Variants in PRR5L observed in about 807,000 individuals in gnomAD.
The protein encoded by PRR5L is proline rich 5 like, also known as proline-rich protein 5-like.
PRR5L carries 21 observed loss-of-function variants against 36.4 expected under a neutral mutation model. The ratio of observed to expected loss-of-function variants is 0.58; its 90% CI spans 0.41 to 0.83. The LOEUF (loss-of-function observed/expected upper bound fraction) is 0.83, where lower values mean the gene tolerates loss of function less well. Among genes scored for constraint, PRR5L ranks in the 40% least tolerant of loss-of-function variants. PRR5L has a pLI of 0.00. For synonymous variants in PRR5L, 188 were observed against 197.0 expected, an observed-to-expected ratio of 0.95 and a Z score of 0.38; for missense variants, 381 against 473.3, an observed-to-expected ratio of 0.80 and a Z score of 1.81.
intron 1 of PRR5L, among the ~76,000 whole-genome samples, chr11:36,389,675 C>T (rs1357903022): frequency 7.4e-5 from 11 of 148,558 alleles, no homozygotes; most frequent in Non-Finnish European, 1.3e-4. Context: ...TGCAATGGCA[C>T]GACCTCGGCT....
chr11:36,358,245 T>C (rs2133499289), intron 1 of PRR5L, among the ~76,000 whole-genome samples: 1 of 152,334 alleles, frequency 6.6e-6, no homozygotes, highest in African/African-American at 2.4e-5. Flanking sequence ...TAAAATGCTA[T>C]CAGCTATCTC....
chr11:36,349,783 G>C (rs1392601004), intron 1 of PRR5L: 1 of 152,136 alleles, frequency 6.6e-6, no homozygotes, highest in Non-Finnish European at 1.5e-5. Flanking sequence ...CTACCAATTA[G>C]CTGAGTGCTG....
At position 36,328,446 on chromosome 11, in the gene PRR5L, C is replaced by A. The variant is rs144993579; in HGVS notation, c.-126+32008C>A. On this transcript the variant is annotated intron_variant, in intron 1 of 8. Transcript: ENST00000530639. ...GATTTGGTTGTTTAAAAGTGAGTGG[C>A]AACTCAGCCCTCTCTCTCTTTTTCT... Among the ~76,000 whole-genome samples, 25 of 152,198 alleles carry A rather than the reference C, an allele frequency of 1.6e-4. No individual in the cohort carries two copies. The East Asian group carries it at 4.6e-3, about 28-fold the overall frequency.
intron 3 of PRR5L, among the ~76,000 whole-genome samples, chr11:36,415,555 C>A (rs1858123078): frequency 6.6e-6 from 1 of 152,114 alleles, no homozygotes; most frequent in Admixed American, 6.5e-5. Context: ...GTCAGTCTGC[C>A]CAAAAGGGTG....
At chr11:36,339,285 G>C (rs781231448) in intron 1 of PRR5L, among the ~76,000 whole-genome samples, 30 of 152,158 alleles carry the variant, frequency 2.0e-4, no homozygotes, top group Non-Finnish European at 4.0e-4. Flanking sequence ...GTAGAGACAT[G>C]GTTTTGCCAT....
chr11:36,375,865 T>G, intron 1 of PRR5L: 1 of 204,256 alleles, frequency 4.9e-6, no homozygotes, highest in Non-Finnish European at 1.0e-5. Flanking sequence ...AGATTTCACT[T>G]GCATTATATT....
In PRR5L at chr11:36,451,377, CATG is replaced by C. The variant is rs778042101; in HGVS notation, c.712+45_712+47del. ...TCAAGTTGTCAAGAGGCCCAGTGATCATGATACCAGCACTGTTTAACTGAGCAC... is the reference window on the plus strand; with the variant it reads ...TCAAGTTGTCAAGAGGCCCAGTGATCATACCAGCACTGTTTAACTGAGCAC... On this transcript the variant is annotated intron_variant, in intron 8 of 8. Transcript: ENST00000530639. 4 of 1,610,182 alleles carry C rather than the reference CATG, an allele frequency of 2.5e-6. No individual in the cohort carries two copies. The African/African-American group carries it at 5.3e-5, about 22-fold the overall frequency.
At chr11:36,374,236 A>G (rs953146609) in intron 1 of PRR5L, among the ~76,000 whole-genome samples, 2 of 152,032 alleles carry the variant, frequency 1.3e-5, no homozygotes, top group African/African-American at 4.8e-5. Context: ...TTGGGATTAC[A>G]GGCACCCGCC....
rs373039037 is a variant in PRR5L, at chr11:36,408,443, CA to C, written c.245+5067del. On this transcript the variant is annotated intron_variant, in intron 3 of 8. Coordinates refer to ENST00000530639, the MANE Select transcript of PRR5L (RefSeq NM_001160167.2). ...ACAGCTTGCACATTGTAATATCTCT[CA>C]AGGCAAGAAAATGACCTTTCAGAAT... Among the ~76,000 whole-genome samples the C allele has an allele frequency of 3.3e-4, 51 of 152,278 alleles. 1 individual carries two copies. The East Asian group carries it at 9.6e-3, about 29-fold the overall frequency.
chr11:36,308,488 C>A (rs1158643669), intron 1 of PRR5L, among the ~76,000 whole-genome samples: 1 of 152,144 alleles, frequency 6.6e-6, no homozygotes, highest in Non-Finnish European at 1.5e-5. Context: ...TTACACATTC[C>A]CCCTGGGTGT....
chr11:36,300,958 C>T (rs144500772), intron 1 of PRR5L: 1 of 152,422 alleles, frequency 6.6e-6, no homozygotes, highest in African/African-American at 2.4e-5. Flanking sequence ...AATTATTTAA[C>T]AAACATTTAT....
At chr11:36,393,228 G>A (rs1857596314) in intron 1 of PRR5L, among the ~76,000 whole-genome samples, 2 of 152,112 alleles carry the variant, frequency 1.3e-5, no homozygotes, top group Admixed American at 6.5e-5. Context: ...TCCTGTGCTT[G>A]TGGGGTATTA....
At chr11:36,351,698 T>C (rs1452894639) in intron 1 of PRR5L, among the ~76,000 whole-genome samples, 9 of 99,022 alleles carry the variant, frequency 9.1e-5, no homozygotes, top group Non-Finnish European at 1.5e-4. Context: ...TATTTATATA[T>C]TTATATATTT....
At chr11:36,310,738 C>A (rs1856491906) in intron 1 of PRR5L, among the ~76,000 whole-genome samples, 1 of 152,104 alleles carries the variant, frequency 6.6e-6, no homozygotes, top group African/African-American at 2.4e-5. Flanking sequence ...GTGGCTCACG[C>A]CTGTAATCGC....
chr11:36,375,153 TGAACCCGGG>T (rs2133516760), intron 1 of PRR5L, among the ~76,000 whole-genome samples: 1 of 151,918 alleles, frequency 6.6e-6, no homozygotes, highest in African/African-American at 2.4e-5. Flanking sequence ...GAGAATTCCT[TGAACCCGGG>T]GAGGTGGAGG....
At position 36,462,339 on chromosome 11, in the gene PRR5L, C is replaced by T; in HGVS notation, c.713-3C>T. 7 of 1,489,402 alleles carry T rather than the reference C, an allele frequency of 4.7e-6. No homozygotes were observed. The highest frequency in any genetic ancestry group is 6.3e-6 in the Non-Finnish European group (7 of 1,119,950). 92.3% of individuals were successfully genotyped at this position (1,489,402 alleles called of 1,614,324 possible). A position where few individuals can be genotyped will look rare whatever the true frequency, so the allele number is the denominator to read the frequency against. On this transcript the variant is annotated splice_region_variant and splice_polypyrimidine_tract_variant and intron_variant, in intron 8 of 8. Transcript: ENST00000530639. ...ACAGTCTTTGCTGATTTTTCTCTTG[C>T]AGCCAGGCGGCACTCCAGGGTCCGG... is the stretch of plus-strand genomic sequence containing the variant.
At chr11:36,437,602 G>C in intron 6 of PRR5L, 126 bp downstream of exon 6, 3 of 611,914 alleles carry the variant, frequency 4.9e-6, no homozygotes, top group South Asian at 4.1e-5. Context: ...ATTGGTTAAG[G>C]AGTTTAGAGA....
intron 2 of PRR5L, among the ~76,000 whole-genome samples, chr11:36,401,855 C>G (rs1272981460): frequency 6.6e-6 from 1 of 152,216 alleles, no homozygotes; most frequent in Non-Finnish European, 1.5e-5. Flanking sequence ...GGGACAGTTG[C>G]ACTGGAATTT....
Position 36,350,942 on chromosome 11 carries a change from ATATATATATT to A in PRR5L, c.-125-50037_-125-50028del, listed in dbSNP as rs1304204393. ...TATTTATATATATTTATATATTTAT[ATATATATATT>A]TATATATATTTATATATTTATATAT... On this transcript the variant is annotated intron_variant, in intron 1 of 8. Transcript: ENST00000530639. Among the ~76,000 whole-genome samples the A allele has an allele frequency of 1.3e-4, 4 of 29,666 alleles. 1 individual carries two copies. Among genetic ancestry groups the A allele is most frequent in the African/African-American group, 6.9e-4 (4 of 5,772 alleles). The allele number at this position is 29,666 out of a possible 152,430, so 19.5% of individuals were successfully genotyped here.
Sources: allele counts gnomAD v4.1 joint callset (sites outside exome capture counted in the v4.1 genomes callset), GRCh38; gene constraint gnomAD v4.1.1; transcripts MANE v1.5; gene names NCBI Gene and HGNC (gene_info 2026-07-23, HGNC 2026-07-21).